The following NRCAM variants were observed in gnomAD, a reference collection of about 807,000 sequenced individuals.
NRCAM encodes NgCAM-related cell adhesion molecule.
In NRCAM, 83 loss-of-function variants were observed where a neutral mutation model predicts 156.5. That is an observed-to-expected ratio of 0.53 (90% CI 0.44 to 0.64). The LOEUF (loss-of-function observed/expected upper bound fraction) is 0.64, where lower values mean the gene tolerates loss of function less well. Ranked by LOEUF, NRCAM falls within the 30% of genes least tolerant of loss-of-function variation. NRCAM has a pLI of 0.00. For missense variants in NRCAM, 1,417 were observed against 1,597.3 expected, an observed-to-expected ratio of 0.89 and a Z score of 1.92; for synonymous variants, 538 against 563.9, an observed-to-expected ratio of 0.95 and a Z score of 0.65.
At chr7:108,416,070 G>T (rs370343178) in intron 1 of NRCAM, among the ~76,000 whole-genome samples, 1 of 152,150 alleles carries the variant, frequency 6.6e-6, no homozygotes, top group Non-Finnish European at 1.5e-5. Context: ...CATTTCACTT[G>T]CTTCTTCCAG....
chr7:108,199,485 T>C (rs539173381), intron 13 of NRCAM, among the ~76,000 whole-genome samples: 1 of 152,332 alleles, frequency 6.6e-6, no homozygotes, highest in Non-Finnish European at 1.5e-5. Flanking sequence ...CTAAAACCAA[T>C]GCGTGAGCAG....
intron 3 of NRCAM, among the ~76,000 whole-genome samples, chr7:108,282,304 C>T (rs1251727134): frequency 6.6e-6 from 1 of 152,166 alleles, no homozygotes; most frequent in Non-Finnish European, 1.5e-5. Flanking sequence ...CTGATGGATA[C>T]CTCAGTGCTT....
chr7:108,410,080 T>C (rs944082942), intron 1 of NRCAM, among the ~76,000 whole-genome samples: 17 of 152,160 alleles, frequency 1.1e-4, no homozygotes, highest in African/African-American at 4.1e-4. Flanking sequence ...CAGCAAATAG[T>C]TCCTGACTCA....
At chr7:108,223,088 G>T (rs565459042) in intron 11 of NRCAM, among the ~76,000 whole-genome samples, 1 of 152,268 alleles carries the variant, frequency 6.6e-6, no homozygotes, top group South Asian at 2.1e-4. Flanking sequence ...GGATTTAAGA[G>T]GCAGGCCCTG....
At chr7:108,200,782 ACACT>A (rs962952536) in intron 13 of NRCAM, among the ~76,000 whole-genome samples, 1 of 138,244 alleles carries the variant, frequency 7.2e-6, no homozygotes, top group Non-Finnish European at 1.6e-5. Context: ...ACACACACAC[ACACT>A]ATGAAATACT....
chr7:108,432,488 AC>A (rs1007839699), intron 1 of NRCAM, among the ~76,000 whole-genome samples: 4 of 152,236 alleles, frequency 2.6e-5, no homozygotes, highest in Non-Finnish European at 5.9e-5. Flanking sequence ...GTTATAAAAA[AC>A]CCAGTAAATG....
At chr7:108,257,592 G>A (rs1291998056) in intron 3 of NRCAM, among the ~76,000 whole-genome samples, 3 of 152,074 alleles carry the variant, frequency 2.0e-5, no homozygotes, top group African/African-American at 7.2e-5. Context: ...GGTTTTAAGA[G>A]AAGTGTAGAC....
intron 2 of NRCAM, among the ~76,000 whole-genome samples, chr7:108,364,728 C>CA (rs34574826): frequency 0.32 from 41,773 of 132,392 alleles, 6,246 homozygotes; most frequent in East Asian, 0.58. Context: ...TACGCTAAGT[C>CA]AAAAAAAAAA....
rs969366787 is a variant in NRCAM, at chr7:108,207,698, A to G, written c.1076-39T>C. ...AGAAAAAAGACCAAAAATCTGAATCAAATAAGCATTTTAGCAAAAGAACAT... is the reference window on the plus strand; with the variant it reads ...AGAAAAAAGACCAAAAATCTGAATCGAATAAGCATTTTAGCAAAAGAACAT... On this transcript the variant is annotated intron_variant, in intron 12 of 32. Coordinates refer to ENST00000379028, the MANE Select transcript of NRCAM (RefSeq NM_001037132.4). 2.6e-6 allele frequency: 4 copies of G among 1,562,606 alleles called. No individual in the cohort carries two copies. In the African/African-American group the frequency reaches 5.5e-5, roughly 21 times the overall value.
At chr7:108,217,145 T>C (rs2089620811) in intron 11 of NRCAM, among the ~76,000 whole-genome samples, 1 of 152,222 alleles carries the variant, frequency 6.6e-6, no homozygotes, top group Non-Finnish European at 1.5e-5. Context: ...TTTCTTTCTG[T>C]TTGTTAGTTT....
intron 3 of NRCAM, among the ~76,000 whole-genome samples, chr7:108,292,182 T>C (rs1591974156): frequency 6.6e-6 from 1 of 152,210 alleles, no homozygotes; most frequent in African/African-American, 2.4e-5. Context: ...GCTTCAGGGC[T>C]CTGGGTGTAA....
At position 108,182,730 on chromosome 7, in the gene NRCAM, T is replaced by C; in HGVS notation, c.2495A>G (p.Glu832Gly). ...AGAATGTCCCATGACTACAGCTGGCTCGGGGGCAAACCCCATGTCATTCAG... is the reference window on the plus strand; with the variant it reads ...AGAATGTCCCATGACTACAGCTGGCCCGGGGGCAAACCCCATGTCATTCAG... The part of the protein sequence containing the change: ...QALNDMGFAP[E>G]PAVVMGHSGE... The change falls in exon 23 of 33, where the codon GAG (glutamate) becomes GGG (glycine). Residue 832 changes from glutamate (E) to glycine (G), a missense_variant. Glu to Gly is a moderately conservative substitution (Grantham distance 98). Transcript: ENST00000379028. 1 of 1,614,218 alleles carries C rather than the reference T, an allele frequency of 6.2e-7. No homozygotes were observed. Among genetic ancestry groups the C allele is most frequent in the Non-Finnish European group, 8.5e-7 (1 of 1,180,042 alleles).
At chr7:108,210,659 T>C (rs775170091) in intron 11 of NRCAM, among the ~76,000 whole-genome samples, 4 of 152,230 alleles carry the variant, frequency 2.6e-5, no homozygotes, top group Non-Finnish European at 4.4e-5. Context: ...TCTGATCTTT[T>C]TGAGGCTTAG....
intron 2 of NRCAM, among the ~76,000 whole-genome samples, chr7:108,376,693 G>T (rs973995085): frequency 1.2e-4 from 19 of 152,160 alleles, no homozygotes; most frequent in African/African-American, 4.6e-4. Context: ...AAGAATGCTA[G>T]GCAAGGACAG....
chr7:108,411,633 G>C (rs560420198), intron 1 of NRCAM, among the ~76,000 whole-genome samples: 3 of 152,234 alleles, frequency 2.0e-5, no homozygotes, highest in Middle Eastern at 3.4e-3. Flanking sequence ...GGGTTCAAGG[G>C]ATTCTCCTGC....
intron 1 of NRCAM, among the ~76,000 whole-genome samples, chr7:108,417,119 C>T (rs564022717): frequency 2.0e-4 from 31 of 152,314 alleles, no homozygotes; most frequent in African/African-American, 7.0e-4. Context: ...CAACATAACA[C>T]GCTTCCCTCC....
At chr7:108,195,197 A>T (rs1007337674) in intron 15 of NRCAM, among the ~76,000 whole-genome samples, 1 of 152,226 alleles carries the variant, frequency 6.6e-6, no homozygotes, top group Non-Finnish European at 1.5e-5. Context: ...GCAGCCTTAA[A>T]TTTAAAAAAA....
At chr7:108,255,215 G>T (rs898700946) in intron 3 of NRCAM, among the ~76,000 whole-genome samples, 19 of 137,874 alleles carry the variant, frequency 1.4e-4, no homozygotes, top group Non-Finnish European at 2.1e-4. Context: ...CTCTGATGCG[G>T]AGCAGAGGCT....
chr7:108,155,521 G>A (rs2044802226), intron 32 of NRCAM, among the ~76,000 whole-genome samples: 1 of 152,024 alleles, frequency 6.6e-6, no homozygotes, highest in African/African-American at 2.4e-5. Context: ...AAGACTCCCT[G>A]TACCATCCTC....
Sources: gnomAD v4.1 joint callset for allele counts (sites outside exome capture counted in the v4.1 genomes callset) on GRCh38, gnomAD v4.1.1 for gene constraint, MANE v1.5 for transcripts, NCBI Gene and HGNC (gene_info 2026-07-23, HGNC 2026-07-21) for gene names.